The following CALN1 variants were observed in gnomAD, a reference collection of about 807,000 sequenced individuals.
CALN1 encodes the protein calneuron 1.
In CALN1, 17 loss-of-function variants were observed where a neutral mutation model predicts 30.6. The observed-to-expected ratio is 0.56, with a 90% CI of 0.38 to 0.83. The LOEUF (loss-of-function observed/expected upper bound fraction) is 0.83. Ranked by LOEUF, CALN1 falls within the 40% of genes least tolerant of loss-of-function variation. The pLI is 0.00. For synonymous variants in CALN1, 156 were observed against 131.4 expected (o/e 1.19, Z -1.28); for missense variants, 291 against 354.9 (o/e 0.82, Z 1.45).
intron 3 of CALN1, among the ~76,000 whole-genome samples, chr7:72,132,595 G>A (rs991133380): frequency 1.3e-5 from 2 of 152,108 alleles, no homozygotes; most frequent in Non-Finnish European, 2.9e-5. Flanking sequence ...TCTTGCACAG[G>A]CAGTGTTTCT....
intron 3 of CALN1, 96 bp downstream of exon 3, chr7:72,278,590 G>C (rs1178057074): frequency 5.9e-6 from 9 of 1,533,370 alleles, no homozygotes; most frequent in Non-Finnish European, 8.0e-6. Flanking sequence ...CTGCCAAGGA[G>C]TGGCCAAAGT....
chr7:72,426,010 T>C (rs1807789026), intron 1 of CALN1, among the ~76,000 whole-genome samples: 1 of 152,242 alleles, frequency 6.6e-6, no homozygotes, highest in Admixed American at 6.5e-5. Context: ...GAAGGTAAGC[T>C]GCTGCCTCTG....
intron 3 of CALN1, among the ~76,000 whole-genome samples, chr7:72,158,314 G>A (rs1247413892): frequency 9.9e-5 from 15 of 152,198 alleles, no homozygotes; most frequent in Admixed American, 9.8e-4. Context: ...AGAATGGATT[G>A]AAAGGAAGCA....
At chr7:72,090,028 T>A (rs1167052373) in intron 4 of CALN1, among the ~76,000 whole-genome samples, 1 of 152,202 alleles carries the variant, frequency 6.6e-6, no homozygotes, top group African/African-American at 2.4e-5. Flanking sequence ...AATAGAAAAT[T>A]GGCTCACGCC....
At chr7:71,847,943 T>C (rs1409581050) in intron 5 of CALN1, among the ~76,000 whole-genome samples, 1 of 152,104 alleles carries the variant, frequency 6.6e-6, no homozygotes, top group African/African-American at 2.4e-5. Context: ...CTGCCATGAT[T>C]GTGAGGCCTC....
chr7:72,053,205 G>A (rs553677816), intron 4 of CALN1, among the ~76,000 whole-genome samples: 5 of 152,322 alleles, frequency 3.3e-5, no homozygotes, highest in African/African-American at 1.2e-4. Context: ...ACTCCAGCCT[G>A]GGTGACAGAG....
At chr7:72,420,848 T>C (rs1197244074) in intron 1 of CALN1, among the ~76,000 whole-genome samples, 1 of 152,020 alleles carries the variant, frequency 6.6e-6, no homozygotes, top group Non-Finnish European at 1.5e-5. Context: ...CTCGATCTCC[T>C]AGTGATCCAC....
chr7:72,140,343 G>A (rs1464183958), intron 3 of CALN1, among the ~76,000 whole-genome samples: 2 of 41,740 alleles, frequency 4.8e-5, no homozygotes, highest in Non-Finnish European at 7.3e-5. Context: ...AGGAAGGAAG[G>A]GAGGGAGGGA....
At chr7:71,955,715 G>A (rs990664829) in intron 5 of CALN1, among the ~76,000 whole-genome samples, 1 of 152,036 alleles carries the variant, frequency 6.6e-6, no homozygotes, top group Non-Finnish European at 1.5e-5. Context: ...GGCTCAATAA[G>A]CCCCTGATGT....
At chr7:72,388,202 C>T (rs1914392) in intron 2 of CALN1, among the ~76,000 whole-genome samples, 150,681 of 152,284 alleles carry the variant, frequency 0.99, 74,566 homozygotes, top group Middle Eastern at 1. Flanking sequence ...AATCCACAAA[C>T]GTGTAACATT....
At chr7:72,174,487 A>C (rs1789192851) in intron 3 of CALN1, among the ~76,000 whole-genome samples, 1 of 152,174 alleles carries the variant, frequency 6.6e-6, no homozygotes, top group African/African-American at 2.4e-5. Flanking sequence ...ATAGTCAAAA[A>C]CTAGCTAAAC....
chr7:71,994,915 C>T (rs921158676), intron 5 of CALN1, among the ~76,000 whole-genome samples: 7 of 149,888 alleles, frequency 4.7e-5, no homozygotes, highest in African/African-American at 1.7e-4. Context: ...TGCAGTGGCG[C>T]GATCTCAGCT....
chr7:72,333,006 T>TA (rs1260380641), intron 2 of CALN1, among the ~76,000 whole-genome samples: 2 of 152,176 alleles, frequency 1.3e-5, no homozygotes, highest in Non-Finnish European at 2.9e-5. Flanking sequence ...CCCCACCATC[T>TA]ATCATTCTGG....
chr7:72,409,950 C>T (rs1806999729), intron 1 of CALN1, among the ~76,000 whole-genome samples: 1 of 152,136 alleles, frequency 6.6e-6, no homozygotes, highest in Admixed American at 6.5e-5. Flanking sequence ...AATGGTTTTC[C>T]CCTTGGTCCT....
chr7:72,202,896 T>C (rs1015776803), intron 3 of CALN1, among the ~76,000 whole-genome samples: 2 of 152,354 alleles, frequency 1.3e-5, no homozygotes, highest in East Asian at 1.9e-4. Context: ...CACATGTTTA[T>C]TGCAGCACTA....
chr7:72,259,602 T>G (rs1435342327), intron 3 of CALN1, among the ~76,000 whole-genome samples: 1 of 152,084 alleles, frequency 6.6e-6, no homozygotes, highest in Non-Finnish European at 1.5e-5. Flanking sequence ...CAATTATGAG[T>G]TGTGTGACTT....
At chr7:72,249,527 G>A (rs940115530) in intron 3 of CALN1, among the ~76,000 whole-genome samples, 2 of 152,098 alleles carry the variant, frequency 1.3e-5, no homozygotes, top group Admixed American at 6.6e-5. Context: ...CTTCAGCAGG[G>A]CATGGTGGGT....
rs78382749 is a variant in CALN1 at position 72,418,003 on chromosome 7, G to A, written c.-225-5728C>T. ...TTTAGATTCAGAAGGTACATGTGCC[G>A]GTTGGTTAAATGGATATATCGTGTG... On this transcript the variant is annotated intron_variant, in intron 1 of 6. Coordinates refer to the CALN1 transcript ENST00000395276. 2.2e-3 allele frequency among the ~76,000 whole-genome samples: 340 copies of A among 152,244 alleles called. 1 individual carries two copies. Among genetic ancestry groups the A allele is most frequent in the African/African-American group, 7.4e-3 (307 of 41,536 alleles).
At chr7:71,834,161 G>A (rs1380799027) in intron 5 of CALN1, among the ~76,000 whole-genome samples, 1 of 138,984 alleles carries the variant, frequency 7.2e-6, no homozygotes, top group Non-Finnish European at 1.5e-5. Flanking sequence ...GGCAAAGGTT[G>A]CAGTGAGCCA....
Sources: gnomAD v4.1 joint callset for allele counts (sites outside exome capture counted in the v4.1 genomes callset) on GRCh38, gnomAD v4.1.1 for gene constraint, MANE v1.5 for transcripts, NCBI Gene and HGNC (gene_info 2026-07-23, HGNC 2026-07-21) for gene names.